CRIM1: variants seen among roughly 807,000 people sequenced by gnomAD.
The protein encoded by CRIM1 is cysteine rich transmembrane BMP regulator 1, also known as cysteine-rich motor neuron 1 protein.
In CRIM1, 32 loss-of-function variants were observed where a neutral mutation model predicts 116.4. The observed-to-expected ratio is 0.27, with a 90% CI of 0.21 to 0.37. The LOEUF is 0.37. Ranked by LOEUF, CRIM1 falls within the 10% of genes least tolerant of loss-of-function variation. The pLI is 1.00. For missense variants in CRIM1, 1,331 were observed against 1,354.8 expected (o/e 0.98, Z 0.28); for synonymous variants, 590 against 509.2 (o/e 1.16, Z -2.13).
chr2:36,463,138 G>A (rs919456525), intron 4 of CRIM1, among the ~76,000 whole-genome samples: 40 of 152,144 alleles, frequency 2.6e-4, no homozygotes, highest in Admixed American at 2.6e-3. Flanking sequence ...CCTACCTTGG[G>A]GTGATAGTGG....
At chr2:36,524,117 G>T (rs924784617) in intron 13 of CRIM1, among the ~76,000 whole-genome samples, 1 of 152,182 alleles carries the variant, frequency 6.6e-6, no homozygotes, top group African/African-American at 2.4e-5. Context: ...AAAGGGGGCT[G>T]TTAATAATTC....
At chr2:36,397,722 A>G (rs1002098742) in intron 2 of CRIM1, among the ~76,000 whole-genome samples, 7 of 152,184 alleles carry the variant, frequency 4.6e-5, no homozygotes, top group Non-Finnish European at 1.0e-4. Context: ...TTTCCAAGTT[A>G]TATTAAATGG....
chr2:36,413,799 A>G (rs921040449), intron 2 of CRIM1, among the ~76,000 whole-genome samples: 5 of 152,112 alleles, frequency 3.3e-5, no homozygotes, highest in African/African-American at 1.2e-4. Context: ...AAGAGAACCT[A>G]GTTTCATTAC....
At chr2:36,472,363 C>G (rs1318319584) in intron 5 of CRIM1, among the ~76,000 whole-genome samples, 1 of 152,198 alleles carries the variant, frequency 6.6e-6, no homozygotes. Flanking sequence ...CTCTATAAAT[C>G]TCTTTGAACA....
chr2:36,356,394 G>A lies in CRIM1; in HGVS notation c.102G>A (p.Ala34=), dbSNP rs1252767649. Residue 34 remains alanine (A), a synonymous_variant, in exon 1 of 17, where the codon GCG becomes GCA. Transcript: ENST00000280527. This position sits in a 1 kb window ranked among gnomAD's most constrained non-coding sequence, Gnocchi z 4.3. The part of the protein sequence containing the change: ...LLLLARSGTR[A]LVCLPCDESK... Reference sequence around the variant, plus strand: ...TGCTGGCGCGCTCCGGCACCCGGGCGCTGGTCTGCCTGCCCTGTGACGAGT... The same window carrying A: ...TGCTGGCGCGCTCCGGCACCCGGGCACTGGTCTGCCTGCCCTGTGACGAGT... The A allele has an allele frequency of 6.2e-7, 1 of 1,602,070 alleles. No individual in the cohort carries two copies.
chr2:36,519,958 C>T (rs1159638102), intron 12 of CRIM1, among the ~76,000 whole-genome samples: 1 of 151,826 alleles, frequency 6.6e-6, no homozygotes, highest in African/African-American at 2.4e-5. Context: ...ACAGTGAAAA[C>T]ACTGGTAAAG....
chr2:36,416,847 T>G (rs549056993), intron 2 of CRIM1, among the ~76,000 whole-genome samples: 2 of 152,354 alleles, frequency 1.3e-5, no homozygotes, highest in South Asian at 4.1e-4. Flanking sequence ...GGAGAATCTG[T>G]TCTGTAGTCG....
At chr2:36,417,389 G>A (rs186887166) in intron 2 of CRIM1, among the ~76,000 whole-genome samples, 2 of 152,196 alleles carry the variant, frequency 1.3e-5, no homozygotes, top group East Asian at 1.9e-4. Flanking sequence ...TTACTCACCT[G>A]TTTACCAATT....
intron 15 of CRIM1, among the ~76,000 whole-genome samples, chr2:36,545,261 G>T (rs566692117): frequency 6.6e-6 from 1 of 152,110 alleles, no homozygotes; most frequent in African/African-American, 2.4e-5. Context: ...TATTCTAAAC[G>T]TTATGCTTGG....
chr2:36,375,707 A>G (rs1318439014), intron 1 of CRIM1, among the ~76,000 whole-genome samples: 3 of 152,232 alleles, frequency 2.0e-5, no homozygotes, highest in South Asian at 4.1e-4. Flanking sequence ...AAGCCACAGT[A>G]TGTGGCTAAG....
chr2:36,498,938 TC>T (rs1680792472), intron 7 of CRIM1, among the ~76,000 whole-genome samples: 1 of 152,232 alleles, frequency 6.6e-6, no homozygotes, highest in Admixed American at 6.5e-5. Context: ...CTCGTCTGCT[TC>T]CAGTAGTGGT....
intron 4 of CRIM1, among the ~76,000 whole-genome samples, chr2:36,451,391 C>A (rs1009969494): frequency 6.6e-6 from 1 of 152,100 alleles, no homozygotes; most frequent in South Asian, 2.1e-4. Context: ...TAAGAAAAAC[C>A]ATACAGTAAT....
chr2:36,356,328 C>T lies in CRIM1; in HGVS notation c.36C>T (p.Gly12=). 6.3e-7 allele frequency: 1 copy of T among 1,579,684 alleles called. No individual in the cohort carries two copies. The highest frequency in any genetic ancestry group is 1.2e-5 in the South Asian group (1 of 86,476). The change falls in exon 1 of 17, where the codon GGC becomes GGT. Residue 12 remains glycine (G), a synonymous_variant. Transcript: ENST00000280527. This position sits in a 1 kb window ranked among gnomAD's most constrained non-coding sequence, Gnocchi z 4.3. ...TGGCGGGGGACAGGGGGTTGGCCGG[C>T]TGCGGGCACCTCCTGGTCTCGCTGC... is the stretch of plus-strand genomic sequence containing the variant. ...YLVAGDRGLA[G]CGHLLVSLLG... is the part of the protein sequence containing the mutation.
intron 7 of CRIM1, among the ~76,000 whole-genome samples, chr2:36,482,476 T>C (rs1249459515): frequency 6.6e-6 from 1 of 152,206 alleles, no homozygotes; most frequent in Non-Finnish European, 1.5e-5. Flanking sequence ...TCCAAGAAAG[T>C]CTCTGGGATC....
intron 1 of CRIM1, among the ~76,000 whole-genome samples, chr2:36,358,963 C>T (rs1669040209): frequency 6.6e-6 from 1 of 152,126 alleles, no homozygotes; most frequent in Non-Finnish European, 1.5e-5. Context: ...CCCAACCGCC[C>T]CCCGCCTGCC....
At chr2:36,511,558 A>G (rs894993229) in intron 9 of CRIM1, among the ~76,000 whole-genome samples, 3 of 152,248 alleles carry the variant, frequency 2.0e-5, no homozygotes, top group Non-Finnish European at 2.9e-5. Flanking sequence ...ATGACAGTTC[A>G]GAATCAAGGC....
intron 7 of CRIM1, among the ~76,000 whole-genome samples, chr2:36,496,836 C>G (rs893792794): frequency 6.6e-6 from 1 of 152,128 alleles, no homozygotes; most frequent in Non-Finnish European, 1.5e-5. Context: ...TAACCCAGTC[C>G]ATTTGTTCCT....
At position 36,499,280 on chromosome 2, in the gene CRIM1, A is replaced by G. The variant is rs371361879; in HGVS notation, c.1434A>G (p.Thr478=). Residue 478 remains threonine, a synonymous_variant, in exon 8 of 17, where the codon ACA becomes ACG. Coordinates refer to ENST00000280527, the MANE Select transcript of CRIM1 (RefSeq NM_016441.3). ...ACGELSNCTL[T]GKDCINGFKR... ...GGGAGTTATCAAACTGCACTCTGAC[A>G]GGGAAGGACTGCATTAATGGTTTCA... is the stretch of plus-strand genomic sequence containing the variant. 1.1e-5 allele frequency: 17 copies of G among 1,613,688 alleles called. No individual in the cohort carries two copies. In the African/African-American group the frequency reaches 1.3e-4, roughly 13 times the overall value.
At chr2:36,449,990 A>T (rs375691407) in intron 4 of CRIM1, among the ~76,000 whole-genome samples, 1 of 152,162 alleles carries the variant, frequency 6.6e-6, no homozygotes, top group African/African-American at 2.4e-5. Context: ...ACAATTCAGT[A>T]AAATAGATTA....
Sources: allele counts gnomAD v4.1 joint callset (sites outside exome capture counted in the v4.1 genomes callset), GRCh38; gene constraint gnomAD v4.1.1; non-coding constraint Gnocchi (gnomAD v3.1); transcripts MANE v1.5; gene names NCBI Gene and HGNC (gene_info 2026-07-23, HGNC 2026-07-21).